Variants in CLSTN2 observed in about 807,000 individuals in gnomAD.
CLSTN2 encodes the protein calsyntenin 2, also known as calsyntenin-2.
CLSTN2 carries 48 observed loss-of-function variants against 101.2 expected under a neutral mutation model. The ratio of observed to expected loss-of-function variants is 0.47; its 90% CI spans 0.38 to 0.60. The LOEUF (loss-of-function observed/expected upper bound fraction) is 0.60. CLSTN2 is among the 20% of genes least tolerant of loss of function. The pLI is 0.00. For missense variants in CLSTN2, 1,160 were observed against 1,238.2 expected (o/e 0.94, Z 0.95); for synonymous variants, 481 against 463.6 (o/e 1.04, Z -0.48).
intron 2 of CLSTN2, among the ~76,000 whole-genome samples, chr3:140,291,927 C>T (rs766704862): frequency 1.1e-4 from 17 of 151,978 alleles, no homozygotes; most frequent in Non-Finnish European, 2.1e-4. Context: ...CATCTCCATC[C>T]CACCTGGAGG....
chr3:139,984,236 G>GT (rs1304623167), intron 1 of CLSTN2, among the ~76,000 whole-genome samples: 1 of 152,210 alleles, frequency 6.6e-6, no homozygotes, highest in Non-Finnish European at 1.5e-5. Flanking sequence ...AGCCTAGGTT[G>GT]TTACTCCAGA....
chr3:140,482,390 G>A (rs147856796), intron 8 of CLSTN2, among the ~76,000 whole-genome samples: 168 of 152,278 alleles, frequency 1.1e-3, no homozygotes, highest in Non-Finnish European at 2.0e-3. Flanking sequence ...ATTAATCAGG[G>A]ATACTGGTCT....
At chr3:140,048,291 T>C (rs2007921421) in intron 1 of CLSTN2, among the ~76,000 whole-genome samples, 1 of 152,224 alleles carries the variant, frequency 6.6e-6, no homozygotes, top group Non-Finnish European at 1.5e-5. Context: ...GGACCATATC[T>C]TGGGAAATAC....
intron 6 of CLSTN2, among the ~76,000 whole-genome samples, chr3:140,457,733 G>C (rs750150953): frequency 3.3e-5 from 5 of 152,184 alleles, no homozygotes; most frequent in Admixed American, 1.3e-4. Context: ...GGAGCATCTC[G>C]TGAGAGCACT....
intron 2 of CLSTN2, among the ~76,000 whole-genome samples, chr3:140,375,879 G>A (rs1051806285): frequency 6.6e-6 from 1 of 152,116 alleles, no homozygotes; most frequent in Non-Finnish European, 1.5e-5. Flanking sequence ...GAAACTAGTT[G>A]TGAGGGTTTT....
chr3:140,553,034 G>A (rs1199564107), intron 10 of CLSTN2, among the ~76,000 whole-genome samples: 2 of 152,230 alleles, frequency 1.3e-5, no homozygotes, highest in South Asian at 2.1e-4. Flanking sequence ...CTCTAAGCTG[G>A]TGAGGCCTTC....
At chr3:140,296,060 CT>C (rs1268941399) in intron 2 of CLSTN2, among the ~76,000 whole-genome samples, 10 of 152,162 alleles carry the variant, frequency 6.6e-5, no homozygotes, top group Admixed American at 3.3e-4. Context: ...GCCTTTATAT[CT>C]GGATTTATTT....
At chr3:140,141,521 TAGG>T (rs1256511323) in intron 1 of CLSTN2, among the ~76,000 whole-genome samples, 2 of 152,192 alleles carry the variant, frequency 1.3e-5, no homozygotes, top group African/African-American at 4.8e-5. Context: ...CAGCCTGTCT[TAGG>T]AGAATAATGG....
intron 2 of CLSTN2, among the ~76,000 whole-genome samples, chr3:140,277,257 G>C (rs2107893919): frequency 6.6e-6 from 1 of 152,296 alleles, no homozygotes; most frequent in African/African-American, 2.4e-5. Context: ...CTTCAAGGAG[G>C]GGATGATGAG....
At chr3:139,956,881 C>A (rs1935416417) in intron 1 of CLSTN2, among the ~76,000 whole-genome samples, 1 of 152,142 alleles carries the variant, frequency 6.6e-6, no homozygotes, top group African/African-American at 2.4e-5. Flanking sequence ...TCACTTTCCC[C>A]AAACTTAACT....
At chr3:140,391,896 G>A (rs1474292302) in intron 2 of CLSTN2, among the ~76,000 whole-genome samples, 4 of 151,860 alleles carry the variant, frequency 2.6e-5, no homozygotes, top group Admixed American at 6.6e-5. Context: ...TTATTAAGAG[G>A]CGATGATCAT....
At chr3:140,021,680 C>T (rs1457510507) in intron 1 of CLSTN2, among the ~76,000 whole-genome samples, 1 of 152,158 alleles carries the variant, frequency 6.6e-6, no homozygotes, top group East Asian at 1.9e-4. Flanking sequence ...GAAGTACTCT[C>T]TTCTCAGGTC....
chr3:140,285,281 C>T (rs753502679), intron 2 of CLSTN2, among the ~76,000 whole-genome samples: 3 of 152,016 alleles, frequency 2.0e-5, no homozygotes, highest in Non-Finnish European at 2.9e-5. Context: ...CCATATGGAC[C>T]ACTGAAACAG....
intron 1 of CLSTN2, among the ~76,000 whole-genome samples, chr3:140,024,350 G>A (rs540604756): frequency 6.6e-6 from 1 of 152,188 alleles, no homozygotes. Flanking sequence ...CACACATGTG[G>A]GCGGCCTGGG....
At chr3:140,135,996 G>C (rs2009611153) in intron 1 of CLSTN2, among the ~76,000 whole-genome samples, 1 of 152,170 alleles carries the variant, frequency 6.6e-6, no homozygotes. Context: ...AAGAAGATTT[G>C]AAGATTTCAG....
At chr3:140,226,895 C>T (rs1375085577) in intron 2 of CLSTN2, among the ~76,000 whole-genome samples, 1 of 152,140 alleles carries the variant, frequency 6.6e-6, no homozygotes. Context: ...GACTCTTTCA[C>T]TATCATGAGA....
At chr3:140,475,168 C>T (rs1054750726) in intron 8 of CLSTN2, among the ~76,000 whole-genome samples, 14 of 128,750 alleles carry the variant, frequency 1.1e-4, no homozygotes, top group African/African-American at 3.3e-4. Flanking sequence ...AAGTGAGAGA[C>T]GTCTGCTGTG....
At chr3:139,984,764 T>C (rs1381788938) in intron 1 of CLSTN2, among the ~76,000 whole-genome samples, 2 of 152,188 alleles carry the variant, frequency 1.3e-5, no homozygotes, top group Non-Finnish European at 2.9e-5. Context: ...ATCTATAAGA[T>C]GAAAGTTTCC....
intron 8 of CLSTN2, among the ~76,000 whole-genome samples, chr3:140,478,501 ATTAC>A (rs2107750162): frequency 6.6e-6 from 1 of 152,324 alleles, no homozygotes; most frequent in African/African-American, 2.4e-5. Context: ...TACATATTAT[ATTAC>A]TTAATTTACA....
Sources: gnomAD v4.1 joint callset for allele counts (sites outside exome capture counted in the v4.1 genomes callset) on GRCh38, gnomAD v4.1.1 for gene constraint, MANE v1.5 for transcripts, NCBI Gene and HGNC (gene_info 2026-07-23, HGNC 2026-07-21) for gene names.